The following ZMIZ1 variants were observed in gnomAD, a reference collection of about 807,000 sequenced individuals.
The protein encoded by ZMIZ1 is zinc finger MIZ domain-containing protein 1.
A neutral mutation model predicts 113.9 loss-of-function variants in ZMIZ1; 17 were observed. The observed-to-expected ratio is 0.15, with a 90% CI of 0.10 to 0.22. The LOEUF (loss-of-function observed/expected upper bound fraction) is 0.22, where lower values mean the gene tolerates loss of function less well. ZMIZ1 is among the 10% of genes least tolerant of loss of function. The pLI, the probability that ZMIZ1 is intolerant of heterozygous loss-of-function variation, is 1.00. For synonymous variants in ZMIZ1, 607 were observed against 603.1 expected (o/e 1.01, Z -0.09); for missense variants, 1,059 against 1,477.8 (o/e 0.72, Z 4.65).
intron 7 of ZMIZ1, among the ~76,000 whole-genome samples, chr10:79,253,712 T>C (rs1359336300): frequency 6.6e-6 from 1 of 152,176 alleles, no homozygotes; most frequent in African/African-American, 2.4e-5. Flanking sequence ...CCCTGGGGAA[T>C]TTGGGATCCA....
intron 8 of ZMIZ1, among the ~76,000 whole-genome samples, chr10:79,282,866 G>T (rs1350317504): frequency 6.6e-6 from 1 of 152,216 alleles, no homozygotes; most frequent in Non-Finnish European, 1.5e-5. Context: ...AGATACCCAG[G>T]ATACTATACA....
chr10:79,200,122 A>T (rs1037185676), intron 4 of ZMIZ1, among the ~76,000 whole-genome samples: 5 of 152,220 alleles, frequency 3.3e-5, no homozygotes, highest in Non-Finnish European at 5.9e-5. Flanking sequence ...CCTGGCTGAC[A>T]TGGCCAGAGA....
Position 79,296,354 on chromosome 10 carries a change from G to T in ZMIZ1, c.1231-117G>T. On this transcript the variant is annotated intron_variant, in intron 12 of 24. Transcript: ENST00000334512. This position sits in a 1 kb window ranked among gnomAD's most constrained non-coding sequence, Gnocchi z 4.1. ...CAAAGCATTATCTGGTTTTGTGGGT[G>T]GGAAACAGCAGGAGCAAATGAGGAG... is the stretch of plus-strand genomic sequence containing the variant. 1 of 1,148,624 alleles carries T rather than the reference G, an allele frequency of 8.7e-7. No homozygotes were observed. Among genetic ancestry groups the T allele is most frequent in the East Asian group, 2.4e-5 (1 of 41,238 alleles). The allele number at this position is 1,148,624 out of a possible 1,614,324, so 71.2% of individuals were successfully genotyped here.
At chr10:79,089,317 CT>C (rs1399851288) in intron 1 of ZMIZ1, among the ~76,000 whole-genome samples, 2 of 152,374 alleles carry the variant, frequency 1.3e-5, no homozygotes, top group South Asian at 2.1e-4. Flanking sequence ...GCCCTTGGCT[CT>C]TGTGCAAACA....
At chr10:79,113,126 C>T (rs535827141) in intron 1 of ZMIZ1, among the ~76,000 whole-genome samples, 8 of 152,278 alleles carry the variant, frequency 5.3e-5, no homozygotes, top group African/African-American at 1.7e-4. Flanking sequence ...GGCCTGCCTT[C>T]GGAGCCTCAG....
At chr10:79,083,034 C>T (rs772085293) in intron 1 of ZMIZ1, among the ~76,000 whole-genome samples, 1 of 152,338 alleles carries the variant, frequency 6.6e-6, no homozygotes, top group Non-Finnish European at 1.5e-5. Flanking sequence ...GGCACTCTTC[C>T]AGGCCCTGGG....
At chr10:79,149,637 C>T (rs1484568566) in intron 3 of ZMIZ1, among the ~76,000 whole-genome samples, 1 of 152,200 alleles carries the variant, frequency 6.6e-6, no homozygotes, top group Non-Finnish European at 1.5e-5. Flanking sequence ...AGGCGCTGTG[C>T]CTGTGGTTGA....
chr10:79,239,892 C>T (rs369751907), intron 7 of ZMIZ1, among the ~76,000 whole-genome samples: 2 of 150,320 alleles, frequency 1.3e-5, no homozygotes, highest in African/African-American at 4.9e-5. Context: ...GGTCCCCACC[C>T]GCCCCCACCC....
intron 8 of ZMIZ1, among the ~76,000 whole-genome samples, chr10:79,284,257 T>G (rs1852918863): frequency 6.6e-6 from 1 of 152,080 alleles, no homozygotes; most frequent in Non-Finnish European, 1.5e-5. Context: ...TGCAGAGAGC[T>G]CTCTATAAAA....
intron 5 of ZMIZ1, among the ~76,000 whole-genome samples, chr10:79,202,815 C>T (rs1168491008): frequency 1.3e-5 from 2 of 152,238 alleles, no homozygotes; most frequent in Non-Finnish European, 2.9e-5. Flanking sequence ...GGACCAGGTA[C>T]AGTGAGAGGG....
chr10:79,166,588 G>A (rs982192152), intron 4 of ZMIZ1, among the ~76,000 whole-genome samples: 2 of 152,260 alleles, frequency 1.3e-5, no homozygotes, highest in African/African-American at 4.8e-5. Flanking sequence ...GCAGGAGAAC[G>A]AGAGGCGGCC....
At chr10:79,219,971 G>A (rs937412152) in intron 7 of ZMIZ1, among the ~76,000 whole-genome samples, 7 of 152,176 alleles carry the variant, frequency 4.6e-5, no homozygotes, top group African/African-American at 1.7e-4. Context: ...GCCAGTCTGA[G>A]GAGGAAGCCT....
At position 79,178,881 on chromosome 10, in the gene ZMIZ1, T is replaced by G. The variant is rs184242551; in HGVS notation, c.-50+16748T>G. Among the ~76,000 whole-genome samples, 1,038 of 152,230 alleles carry G rather than the reference T, an allele frequency of 6.8e-3. 14 individuals carry two copies. Among genetic ancestry groups the G allele is most frequent in the African/African-American group, 0.024 (992 of 41,538 alleles). On this transcript the variant is annotated intron_variant, in intron 4 of 24. Coordinates refer to ENST00000334512, the MANE Select transcript of ZMIZ1 (RefSeq NM_020338.4). ...TGTGGTGGCAACCATGGGCCGTGGA[T>G]CTCCCAGACAGCCCTGCTCTCCCAA...
chr10:79,121,476 T>C (rs1277315435), intron 2 of ZMIZ1, among the ~76,000 whole-genome samples: 1 of 152,224 alleles, frequency 6.6e-6, no homozygotes, highest in African/African-American at 2.4e-5. Context: ...AAAGATAGGC[T>C]ATTCTCTGGG....
At chr10:79,133,259 A>G (rs1844850841) in intron 2 of ZMIZ1, among the ~76,000 whole-genome samples, 1 of 151,960 alleles carries the variant, frequency 6.6e-6, no homozygotes, top group Admixed American at 6.5e-5. Flanking sequence ...TCAAAACCCA[A>G]TTTGTGCCTC....
intron 1 of ZMIZ1, among the ~76,000 whole-genome samples, chr10:79,070,365 GGCGGCC>G (rs1842222879): frequency 6.6e-6 from 1 of 152,152 alleles, no homozygotes. Flanking sequence ...GCGGGCGAGG[GGCGGCC>G]GCCTTCCCGG....
chr10:79,233,644 G>C (rs545252800), intron 7 of ZMIZ1, among the ~76,000 whole-genome samples: 5 of 152,360 alleles, frequency 3.3e-5, no homozygotes, highest in African/African-American at 1.2e-4. Flanking sequence ...ACAGGGCTGA[G>C]ATCACCATGC....
intron 12 of ZMIZ1, chr10:79,295,245 C>T (rs140092707): frequency 2.0e-5 from 3 of 152,394 alleles, no homozygotes; most frequent in African/African-American, 4.8e-5. Context: ...AATTCCTGGT[C>T]ATTGGTGTCA....
chr10:79,251,520 CA>C (rs2132886466), intron 7 of ZMIZ1, among the ~76,000 whole-genome samples: 1 of 152,200 alleles, frequency 6.6e-6, no homozygotes, highest in Admixed American at 6.5e-5. Context: ...GACACTCCCC[CA>C]ACCCCTCACC....
Sources: allele counts gnomAD v4.1 joint callset (sites outside exome capture counted in the v4.1 genomes callset), GRCh38; gene constraint gnomAD v4.1.1; non-coding constraint Gnocchi (gnomAD v3.1); transcripts MANE v1.5; gene names NCBI Gene and HGNC (gene_info 2026-07-23, HGNC 2026-07-21).